The following ARAP2 variants were observed in gnomAD, a reference collection of about 807,000 sequenced individuals.
ARAP2 encodes arf-GAP with Rho-GAP domain, ANK repeat and PH domain-containing protein 2.
A neutral mutation model predicts 194.5 loss-of-function variants in ARAP2; 148 were observed. The ratio of observed to expected loss-of-function variants is 0.76; its 90% CI spans 0.67 to 0.87. The LOEUF (loss-of-function observed/expected upper bound fraction) is 0.87, where lower values mean the gene tolerates loss of function less well. Ranked by LOEUF, ARAP2 falls within the 40% of genes least tolerant of loss-of-function variation. The probability of loss-of-function intolerance (pLI) is 0.00; values close to 1 mark genes in which losing one functional copy is unlikely to be tolerated. For missense variants in ARAP2, 2,128 were observed against 1,989.7 expected, an observed-to-expected ratio of 1.07 and a Z score of -1.32; for synonymous variants, 695 against 683.5, an observed-to-expected ratio of 1.02 and a Z score of -0.26.
chr4:36,170,615 G>T (rs958668614), intron 9 of ARAP2, among the ~76,000 whole-genome samples: 31 of 152,144 alleles, frequency 2.0e-4, no homozygotes, highest in Non-Finnish European at 8.8e-5. Context: ...AACGTCCAGA[G>T]GTGTTAAAAG....
chr4:36,061,458 T>A (rs1234672003), downstream of ARAP2, among the ~76,000 whole-genome samples: 1 of 152,206 alleles, frequency 6.6e-6, no homozygotes, highest in African/African-American at 2.4e-5. Flanking sequence ...GTGGTTCACT[T>A]AGCATATTGA....
chr4:36,161,650 G>T (rs765394750), intron 11 of ARAP2, 100 bp from the exon 12 acceptor site: 1 of 913,486 alleles, frequency 1.1e-6, no homozygotes, highest in South Asian at 1.5e-5. Context: ...TGTTCGTTGC[G>T]TATCTTCTCA....
chr4:36,199,522 C>T (rs1222288550), intron 6 of ARAP2, among the ~76,000 whole-genome samples: 1 of 152,140 alleles, frequency 6.6e-6, no homozygotes, highest in African/African-American at 2.4e-5. Flanking sequence ...AAATTCCTGA[C>T]CTCATGATCT....
intron 24 of ARAP2, among the ~76,000 whole-genome samples, chr4:36,118,141 C>T (rs975980677): frequency 6.6e-6 from 1 of 151,206 alleles, no homozygotes; most frequent in African/African-American, 2.4e-5. Flanking sequence ...GCATTACAGG[C>T]TTAGAAAAGC....
chr4:36,242,376 C>T (rs1206007905), intron 1 of ARAP2, among the ~76,000 whole-genome samples: 2 of 152,090 alleles, frequency 1.3e-5, no homozygotes, highest in Admixed American at 1.3e-4. Context: ...AAAGCAATGA[C>T]TATTATTTAT....
intron 3 of ARAP2, among the ~76,000 whole-genome samples, chr4:36,213,793 A>G (rs1328557055): frequency 6.6e-6 from 1 of 152,144 alleles, no homozygotes; most frequent in Non-Finnish European, 1.5e-5. Flanking sequence ...GGCATTTAAT[A>G]TAATTCCTCT....
intron 20 of ARAP2, among the ~76,000 whole-genome samples, chr4:36,129,209 G>T (rs1724757212): frequency 6.6e-6 from 1 of 151,758 alleles, no homozygotes; most frequent in African/African-American, 2.4e-5. Flanking sequence ...CTTTTTCATG[G>T]TTACTGATTC....
At chr4:36,113,681 A>G (rs1720599485) in intron 26 of ARAP2, among the ~76,000 whole-genome samples, 2 of 151,984 alleles carry the variant, frequency 1.3e-5, no homozygotes, top group Admixed American at 6.6e-5. Flanking sequence ...TGGGGTAGTC[A>G]AGGTGCTTTA....
At chr4:36,131,475 T>C (rs1201565807) in intron 20 of ARAP2, among the ~76,000 whole-genome samples, 1 of 151,416 alleles carries the variant, frequency 6.6e-6, no homozygotes, top group East Asian at 1.9e-4. Flanking sequence ...AGTGTGTGTG[T>C]ATAACTATAT....
In ARAP2 at chr4:36,213,380, A is replaced by T. The variant is rs189612526; in HGVS notation, c.965-61T>A. The T allele has an allele frequency of 1.4e-3, 1,824 of 1,272,368 alleles. 6 individuals are homozygous for T. Among genetic ancestry groups the T allele is most frequent in the Middle Eastern group, 0.011 (54 of 4,788 alleles). The allele number at this position is 1,272,368 out of a possible 1,614,324, so 78.8% of individuals were successfully genotyped here. On this transcript the variant is annotated intron_variant, in intron 3 of 32. Transcript: ENST00000303965. ...GTGAATAATGTGAAATACTGTTTTTAAAAAAAGATTAAAAGCATGAGTTTT... is the reference window on the plus strand; with the variant it reads ...GTGAATAATGTGAAATACTGTTTTTTAAAAAAGATTAAAAGCATGAGTTTT...
intron 2 of ARAP2, among the ~76,000 whole-genome samples, chr4:36,216,098 C>T (rs905229250): frequency 7.1e-6 from 1 of 140,786 alleles, no homozygotes; most frequent in Non-Finnish European, 1.6e-5. Flanking sequence ...AAAAAAAAAA[C>T]AACGAAAATT....
chr4:36,081,769 C>T (rs1183625736), intron 30 of ARAP2, among the ~76,000 whole-genome samples: 1 of 150,944 alleles, frequency 6.6e-6, no homozygotes, highest in Non-Finnish European at 1.5e-5. Context: ...AAGGAAGAGG[C>T]AGATCTCGTG....
chr4:36,061,352 C>T (rs1335877365), downstream of ARAP2, among the ~76,000 whole-genome samples: 2 of 152,134 alleles, frequency 1.3e-5, no homozygotes, highest in African/African-American at 2.4e-5. Context: ...ATCCCACCAC[C>T]CTCTCACTAC....
chr4:36,050,787 A>G (rs1722535096), intron 3 of ARAP2, among the ~76,000 whole-genome samples: 1 of 152,106 alleles, frequency 6.6e-6, no homozygotes, highest in African/African-American at 2.4e-5. Context: ...CTAGCAATTT[A>G]TTTTTATCTT....
intron 20 of ARAP2, among the ~76,000 whole-genome samples, chr4:36,131,932 G>A (rs887075304): frequency 1.3e-5 from 2 of 151,652 alleles, no homozygotes; most frequent in South Asian, 2.1e-4. Context: ...TTATAGTAAT[G>A]CCCAAATATG....
At chr4:36,073,913 C>T in intron 31 of ARAP2, 90 bp from the exon 32 acceptor site, 1 of 1,431,298 alleles carries the variant, frequency 7.0e-7, no homozygotes, top group Non-Finnish European at 9.6e-7. Flanking sequence ...TCCCACATAT[C>T]CACATCAAAT....
At chr4:36,128,783 A>C (rs1205497818) in intron 20 of ARAP2, 38 bp from the exon 21 acceptor site, 1 of 1,495,320 alleles carries the variant, frequency 6.7e-7, no homozygotes. Flanking sequence ...TTAAAAGTCT[A>C]AATTCAAAAG....
chr4:36,096,398 G>A (rs1422855275), intron 27 of ARAP2, among the ~76,000 whole-genome samples: 1 of 146,204 alleles, frequency 6.8e-6, no homozygotes, highest in African/African-American at 2.6e-5. Flanking sequence ...GAAAAAAGTA[G>A]TCTTAAACCC....
downstream of ARAP2, among the ~76,000 whole-genome samples, chr4:36,064,501 T>G (rs945509176): frequency 2.0e-5 from 3 of 152,252 alleles, no homozygotes; most frequent in Non-Finnish European, 4.4e-5. Context: ...CAGGACTTGC[T>G]GGCCCAGTTT....
Sources: gnomAD v4.1 joint callset for allele counts (sites outside exome capture counted in the v4.1 genomes callset) on GRCh38, gnomAD v4.1.1 for gene constraint, MANE v1.5 for transcripts, NCBI Gene and HGNC (gene_info 2026-07-23, HGNC 2026-07-21) for gene names.